RORA: variants seen among roughly 807,000 people sequenced by gnomAD.
RORA encodes the protein RAR related orphan receptor A, also known as nuclear receptor ROR-alpha.
Under a neutral mutation model 69.5 loss-of-function variants are expected in RORA, and 7 were observed. The observed-to-expected ratio is 0.10, with a 90% CI of 0.06 to 0.19. RORA has a LOEUF of 0.19. Ranked by LOEUF, RORA falls within the 10% of genes least tolerant of loss-of-function variation. RORA has a pLI of 1.00. For missense variants in RORA, 457 were observed against 663.0 expected (o/e 0.69, Z 3.41); for synonymous variants, 261 against 240.8 (o/e 1.08, Z -0.78).
At chr15:60,603,342 T>C (rs2068864829) in intron 2 of RORA, among the ~76,000 whole-genome samples, 1 of 152,244 alleles carries the variant, frequency 6.6e-6, no homozygotes, top group Non-Finnish European at 1.5e-5. Context: ...AAATGCTTGA[T>C]GGTTTCCAGA....
intron 1 of RORA, among the ~76,000 whole-genome samples, chr15:61,010,579 TC>T (rs1895056385): frequency 6.6e-6 from 1 of 152,184 alleles, no homozygotes; most frequent in South Asian, 2.1e-4. Context: ...GAGCTTCCAT[TC>T]ACCAGAACTG....
chr15:60,751,256 T>C (rs919334096), intron 1 of RORA, among the ~76,000 whole-genome samples: 1 of 152,200 alleles, frequency 6.6e-6, no homozygotes, highest in East Asian at 1.9e-4. Context: ...CCTGTTGTCA[T>C]GTATTGATTA....
chr15:60,684,595 C>T (rs761787169), intron 1 of RORA, among the ~76,000 whole-genome samples: 12 of 152,212 alleles, frequency 7.9e-5, no homozygotes, highest in Non-Finnish European at 1.2e-4. Flanking sequence ...CCAGCCTGGG[C>T]GACAGTGCGA....
At chr15:60,797,803 CTAGGT>C (rs1367196960) in intron 1 of RORA, among the ~76,000 whole-genome samples, 7 of 152,098 alleles carry the variant, frequency 4.6e-5, no homozygotes, top group Admixed American at 4.6e-4. Flanking sequence ...GCTTCAGCAG[CTAGGT>C]ACTTCCTTCT....
intron 1 of RORA, among the ~76,000 whole-genome samples, chr15:60,703,364 T>G (rs1178678198): frequency 6.6e-6 from 1 of 152,194 alleles, no homozygotes; most frequent in Non-Finnish European, 1.5e-5. Context: ...AATATAGCAC[T>G]AAGATGTGTT....
At chr15:61,077,946 G>A (rs185689468) in intron 1 of RORA, among the ~76,000 whole-genome samples, 58 of 152,218 alleles carry the variant, frequency 3.8e-4, no homozygotes, top group Admixed American at 1.4e-3. Flanking sequence ...TCTGTTCTCC[G>A]CATAGTGGCT....
chr15:60,947,031 C>T (rs1316216407), intron 1 of RORA, among the ~76,000 whole-genome samples: 4 of 150,952 alleles, frequency 2.6e-5, no homozygotes, highest in African/African-American at 9.7e-5. Flanking sequence ...GGCCAGCCCC[C>T]GCCCGGCCAG....
intron 1 of RORA, among the ~76,000 whole-genome samples, chr15:60,694,199 T>C (rs2070869582): frequency 6.6e-6 from 1 of 152,162 alleles, no homozygotes; most frequent in African/African-American, 2.4e-5. Flanking sequence ...GAGGGGCATG[T>C]TTAAGGTCAA....
chr15:61,021,174 C>T (rs1895502691), intron 1 of RORA, among the ~76,000 whole-genome samples: 1 of 152,170 alleles, frequency 6.6e-6, no homozygotes, highest in South Asian at 2.1e-4. Flanking sequence ...GAGAGGTCCT[C>T]CTCAACGCCC....
At chr15:60,762,126 G>T (rs961513270) in intron 1 of RORA, among the ~76,000 whole-genome samples, 6 of 152,128 alleles carry the variant, frequency 3.9e-5, no homozygotes, top group African/African-American at 1.4e-4. Context: ...GAAGCATCTA[G>T]AATAAAATGC....
intron 2 of RORA, among the ~76,000 whole-genome samples, chr15:60,629,484 G>A (rs964102248): frequency 3.9e-5 from 6 of 152,152 alleles, no homozygotes; most frequent in Non-Finnish European, 7.3e-5. Context: ...ATTCACTCTG[G>A]CAGAGCACAT....
chr15:61,114,005 T>G (rs2079029506), intron 1 of RORA, among the ~76,000 whole-genome samples: 1 of 152,248 alleles, frequency 6.6e-6, no homozygotes. Context: ...AACTGTTTCC[T>G]GTCCCATGAA....
At chr15:60,505,276 G>A (rs112710113) in intron 6 of RORA, among the ~76,000 whole-genome samples, 3 of 152,284 alleles carry the variant, frequency 2.0e-5, no homozygotes, top group African/African-American at 7.2e-5. Flanking sequence ...ATGGAAGGAG[G>A]TATGTGTATA....
At chr15:61,103,612 C>G (rs2140758215) in intron 1 of RORA, among the ~76,000 whole-genome samples, 1 of 152,284 alleles carries the variant, frequency 6.6e-6, no homozygotes, top group South Asian at 2.1e-4. Context: ...CCTGCCACTG[C>G]TAGGAGACCT....
At chr15:60,667,707 ACTCCTGGG>A (rs2070400005) in intron 2 of RORA, among the ~76,000 whole-genome samples, 1 of 151,632 alleles carries the variant, frequency 6.6e-6, no homozygotes, top group Non-Finnish European at 1.5e-5. Flanking sequence ...GCAGCTTTAA[ACTCCTGGG>A]CTCAAGCAAT....
At chr15:61,070,943 A>G (rs747320663) in intron 1 of RORA, among the ~76,000 whole-genome samples, 3 of 151,956 alleles carry the variant, frequency 2.0e-5, no homozygotes, top group Non-Finnish European at 4.4e-5. Flanking sequence ...TAAGAACATA[A>G]GCGGTTTACA....
chr15:61,149,501 T>A (rs1462806536), intron 1 of RORA, among the ~76,000 whole-genome samples: 1 of 152,108 alleles, frequency 6.6e-6, no homozygotes, highest in African/African-American at 2.4e-5. Flanking sequence ...TTCCTTCTTA[T>A]TTATTTATTT....
intron 1 of RORA, among the ~76,000 whole-genome samples, chr15:61,124,024 C>T (rs1050639601): frequency 2.6e-5 from 4 of 152,144 alleles, no homozygotes; most frequent in African/African-American, 9.7e-5. Flanking sequence ...AACATACATG[C>T]GAACAGCCAC....
chr15:60,626,431 A>G (rs908318875), intron 2 of RORA, among the ~76,000 whole-genome samples: 1 of 152,306 alleles, frequency 6.6e-6, no homozygotes, highest in South Asian at 2.1e-4. Context: ...AGACTCACCA[A>G]ACTAAAGGGT....
Sources: allele counts gnomAD v4.1 joint callset (sites outside exome capture counted in the v4.1 genomes callset), GRCh38; gene constraint gnomAD v4.1.1; transcripts MANE v1.5; gene names NCBI Gene and HGNC (gene_info 2026-07-23, HGNC 2026-07-21).